The following QRICH2 variants were observed in gnomAD, a reference collection of about 807,000 sequenced individuals.
QRICH2 encodes the protein glutamine-rich protein 2.
QRICH2 carries 119 observed loss-of-function variants against 168.3 expected under a neutral mutation model. The observed-to-expected ratio is 0.71, with a 90% CI of 0.61 to 0.82. The LOEUF (loss-of-function observed/expected upper bound fraction) is 0.82, where lower values mean the gene tolerates loss of function less well. Among genes scored for constraint, QRICH2 ranks in the 40% least tolerant of loss-of-function variants. The pLI, the probability that QRICH2 is intolerant of heterozygous loss-of-function variation, is 0.00. For synonymous variants in QRICH2, 894 were observed against 951.2 expected (o/e 0.94, Z 1.11); for missense variants, 2,241 against 2,491.6 (o/e 0.90, Z 2.14).
At chr17:76,303,530 A>G (rs1235615808) in intron 3 of QRICH2, among the ~76,000 whole-genome samples, 1 of 152,154 alleles carries the variant, frequency 6.6e-6, no homozygotes, top group East Asian at 1.9e-4. Context: ...CAATTTGGTC[A>G]TCTGTACACT....
At chr17:76,303,280 A>C (rs957927056) in intron 3 of QRICH2, among the ~76,000 whole-genome samples, 3 of 152,036 alleles carry the variant, frequency 2.0e-5, no homozygotes, top group African/African-American at 7.2e-5. Flanking sequence ...TTGTACCCAG[A>C]TATTTGGCGC....
At chr17:76,287,983 TC>T in intron 5 of QRICH2, 86 bp from the exon 6 acceptor site, 1 of 1,060,020 alleles carries the variant, frequency 9.4e-7, no homozygotes. Flanking sequence ...ATGCCAGCCC[TC>T]CCCGTTCCCT....
At chr17:76,305,366 A>G (rs555638257) in intron 1 of QRICH2, among the ~76,000 whole-genome samples, 1 of 152,014 alleles carries the variant, frequency 6.6e-6, no homozygotes, top group Non-Finnish European at 1.5e-5. Flanking sequence ...AGATCTTGCA[A>G]TGTTGCCCAG....
At chr17:76,300,056 T>C (rs965608820) in intron 3 of QRICH2, among the ~76,000 whole-genome samples, 4 of 152,026 alleles carry the variant, frequency 2.6e-5, no homozygotes, top group African/African-American at 9.7e-5. Flanking sequence ...GGTCTCGATC[T>C]CTTGACCTTG....
At chr17:76,277,644 A>G (rs540981227) in intron 15 of QRICH2, among the ~76,000 whole-genome samples, 41 of 152,002 alleles carry the variant, frequency 2.7e-4, no homozygotes, top group Admixed American at 1.1e-3. Context: ...ACATATACAT[A>G]CATACTCATA....
chr17:76,283,304 T>C (rs1206462839), intron 7 of QRICH2, among the ~76,000 whole-genome samples: 6 of 152,138 alleles, frequency 3.9e-5, no homozygotes, highest in Admixed American at 3.3e-4. Flanking sequence ...CAGGAAAGAA[T>C]AGGAGTGTGT....
At chr17:76,283,920 C>T (rs147747349) in intron 7 of QRICH2, among the ~76,000 whole-genome samples, 1 of 138,214 alleles carries the variant, frequency 7.2e-6, no homozygotes, top group African/African-American at 3.3e-5. Flanking sequence ...AATCCTAGCA[C>T]TTTGGGAGGC....
chr17:76,297,870 GTTTTT>G (rs1169251679), intron 3 of QRICH2, among the ~76,000 whole-genome samples: 2,336 of 79,408 alleles, frequency 0.029, 63 homozygotes, highest in African/African-American at 0.1. Context: ...TTAGGAATCT[GTTTTT>G]TTTTTTTTTT....
chr17:76,276,832 C>T (rs1047384974), intron 16 of QRICH2, 65 bp from the exon 17 acceptor site: 19 of 1,272,460 alleles, frequency 1.5e-5, no homozygotes, highest in Middle Eastern at 1.9e-4. Context: ...CCCCTTCACA[C>T]GGGACTGAGG....
chr17:76,285,125 CTGT>C (rs112068809), intron 7 of QRICH2, among the ~76,000 whole-genome samples: 29 of 147,856 alleles, frequency 2.0e-4, no homozygotes, highest in African/African-American at 3.8e-4. Flanking sequence ...CAGCTATTTT[CTGT>C]TGTTGTTGTT....
chr17:76,281,091 C>T lies in QRICH2; in HGVS notation c.4264-138G>A. 8.1e-7 allele frequency: 1 copy of T among 1,231,724 alleles called. No individual in the cohort carries two copies. Among genetic ancestry groups the T allele is most frequent in the Non-Finnish European group, 1.1e-6 (1 of 906,086 alleles). 76.3% of individuals were successfully genotyped at this position (1,231,724 alleles called of 1,614,324 possible). A position where few individuals can be genotyped will look rare whatever the true frequency, so the allele number is the denominator to read the frequency against. ...GGAGCGGTGGCTCATGCCTGTAGTC[C>T]TGGCACTTTGGGAAGCTGAGGTGAG... On this transcript the variant is annotated intron_variant, in intron 8 of 18. Coordinates refer to ENST00000680821, the MANE Select transcript of QRICH2 (RefSeq NM_001388453.1). This position sits in a 1 kb window ranked among gnomAD's most constrained non-coding sequence, Gnocchi z 4.4.
chr17:76,291,816 A>G lies in QRICH2; in HGVS notation c.2911T>C (p.Leu971=). ...LVQPGMDQYG[L]RQPGAYQPGL... The stretch of plus-strand genomic sequence containing the variant: ...GGCTGATATGCACCAGGTTGTCTCA[A>G]ACCATACTGATCCATTCCTGGCTGC... Residue 971 remains leucine (L), a synonymous_variant, in exon 4 of 19, where the codon TTG becomes CTG. Transcript: ENST00000680821. 1 of 1,611,708 alleles carries G rather than the reference A, an allele frequency of 6.2e-7. No individual in the cohort carries two copies. The highest frequency in any genetic ancestry group is 8.5e-7 in the Non-Finnish European group (1 of 1,177,800).
rs1259712812 is a variant in QRICH2 at position 76,277,259 on chromosome 17, C to G, written c.5169G>C (p.Gly1723=). ...AGGGGTAGGTGAGGGTGTGGCTGCCCCCGCAGCGCCGGGGCACAGTTGAGT... is the reference window on the plus strand; with the variant it reads ...AGGGGTAGGTGAGGGTGTGGCTGCCGCCGCAGCGCCGGGGCACAGTTGAGT... The part of the protein sequence containing the change: ...YTYSTVPRRC[G]GSHTLTYPYH... The change falls in exon 16 of 19, where the codon GGG becomes GGC. Residue 1723 remains glycine, a synonymous_variant. Coordinates refer to ENST00000680821, the MANE Select transcript of QRICH2 (RefSeq NM_001388453.1). The G allele has an allele frequency of 1.2e-6, 2 of 1,601,284 alleles. No homozygotes were observed. The highest frequency in any genetic ancestry group is 3.6e-5 in the Admixed American group (2 of 55,644).
intron 3 of QRICH2, among the ~76,000 whole-genome samples, chr17:76,298,411 C>G (rs774427351): frequency 6.8e-6 from 1 of 147,220 alleles, no homozygotes; most frequent in African/African-American, 2.5e-5. Context: ...GATCTCCTGA[C>G]CTGGTGATCC....
Position 76,280,958 on chromosome 17 carries a change from G to A in QRICH2, c.4264-5C>T, listed in dbSNP as rs72868908. 0.082 allele frequency: 132,163 copies of A among 1,607,422 alleles called. 6,471 individuals carry two copies. Among genetic ancestry groups the A allele is most frequent in the Admixed American group, 0.18 (10,924 of 59,962 alleles). ...ACGGCCCAGCAGCTCCTCGTCCTGCGGCAGGAGGGATGGGAAGGCTCTCGG... is the reference window on the plus strand; with the variant it reads ...ACGGCCCAGCAGCTCCTCGTCCTGCAGCAGGAGGGATGGGAAGGCTCTCGG... On this transcript the variant is annotated splice_region_variant and splice_polypyrimidine_tract_variant and intron_variant, in intron 8 of 18. Coordinates refer to ENST00000680821, the MANE Select transcript of QRICH2 (RefSeq NM_001388453.1). This position sits in a 1 kb window ranked among gnomAD's most constrained non-coding sequence, Gnocchi z 7.4.
chr17:76,277,218 G>GGCCTTCCTGCA lies in QRICH2; in HGVS notation c.5209_5210insTGCAGGAAGGC (p.Pro1737LeufsTer22), dbSNP rs1568103352. The GGCCTTCCTGCA allele has an allele frequency of 8.1e-6, 13 of 1,602,684 alleles. No individual in the cohort carries two copies. The Admixed American group carries it at 8.9e-5, about 11-fold the overall frequency. ...ATACAGGCCCCGGGGAAGGTGCTGC[G>GGCCTTCCTGCA]GGCGGCTGCGGTGGTAGGGGTAGGT... On this transcript the variant is annotated frameshift_variant, in exon 16 of 19. Coordinates refer to ENST00000680821, the MANE Select transcript of QRICH2 (RefSeq NM_001388453.1). LOFTEE classifies it high-confidence loss of function.
rs573591890 is a variant in QRICH2 at position 76,307,378 on chromosome 17, C to T, written c.534+87G>A. On this transcript the variant is annotated intron_variant, in intron 1 of 18. Transcript: ENST00000680821. The surrounding 1 kb of genome is among the most constrained non-coding windows in gnomAD (Gnocchi z 5.3). ...CCCTCCGTCCCCACCACCGCTCACCCCTCCAGGGTGGTGGGGACTCGGCTA... is the reference window on the plus strand; with the variant it reads ...CCCTCCGTCCCCACCACCGCTCACCTCTCCAGGGTGGTGGGGACTCGGCTA... 2.0e-5 allele frequency: 29 copies of T among 1,437,008 alleles called. No individual in the cohort carries two copies. The African/African-American group carries it at 3.8e-4, about 19-fold the overall frequency. 89.0% of individuals were successfully genotyped at this position (1,437,008 alleles called of 1,614,324 possible).
intron 7 of QRICH2, 94 bp downstream of exon 7, chr17:76,287,098 G>A: frequency 6.0e-6 from 4 of 665,542 alleles, no homozygotes; most frequent in South Asian, 4.5e-5. Flanking sequence ...ATGATGGGAG[G>A]GACCTAGTTT....
At chr17:76,295,453 A>G (rs1598497431) in intron 3 of QRICH2, among the ~76,000 whole-genome samples, 1 of 151,980 alleles carries the variant, frequency 6.6e-6, no homozygotes, top group Non-Finnish European at 1.5e-5. Context: ...TCAGGAGTTC[A>G]AGACCAGCTT....
Sources: gnomAD v4.1 joint callset for allele counts (sites outside exome capture counted in the v4.1 genomes callset) on GRCh38, gnomAD v4.1.1 for gene constraint, Gnocchi (gnomAD v3.1) non-coding constraint, MANE v1.5 for transcripts, NCBI Gene and HGNC (gene_info 2026-07-23, HGNC 2026-07-21) for gene names.